Variants in CASZ1 observed in about 807,000 individuals in gnomAD.
CASZ1 encodes castor zinc finger 1.
Under a neutral mutation model 135.2 loss-of-function variants are expected in CASZ1, and 28 were observed. The observed-to-expected ratio is 0.21, with a 90% CI of 0.15 to 0.28. The LOEUF is 0.28. CASZ1 is among the 10% of genes least tolerant of loss of function. The pLI is 1.00. For missense variants in CASZ1, 2,161 were observed against 2,453.3 expected (o/e 0.88, Z 2.52); for synonymous variants, 1,068 against 1,073.4 (o/e 0.99, Z 0.10).
At position 10,672,947 on chromosome 1, in the gene CASZ1, C is replaced by A. The variant is rs567240813; in HGVS notation, c.17-7376G>T. Among the ~76,000 whole-genome samples, 3 of 152,236 alleles carry A rather than the reference C, an allele frequency of 2.0e-5. No individual in the cohort carries two copies. In the South Asian group the frequency reaches 6.2e-4, roughly 32 times the overall value. On this transcript the variant is annotated intron_variant, in intron 4 of 20. Coordinates refer to ENST00000377022, the MANE Select transcript of CASZ1 (RefSeq NM_001079843.3). ...AGTGGTGTTTTTATTAGCGCGTGTG[C>A]CTGTGAGTGTTTGGAGGTGGGCTGG...
chr1:10,738,929 T>TG (rs1329425668), intron 2 of CASZ1, among the ~76,000 whole-genome samples: 5 of 149,366 alleles, frequency 3.3e-5, no homozygotes, highest in Non-Finnish European at 7.4e-5. Context: ...TTTTTTTTTT[T>TG]TTTTTTTTTT....
rs980582311 is a variant in CASZ1 at position 10,646,056 on chromosome 1, C to T, written c.3696+72G>A. The T allele has an allele frequency of 4.2e-6, 6 of 1,444,558 alleles. No homozygotes were observed. The highest frequency in any genetic ancestry group is 3.5e-5 in the Admixed American group (2 of 57,594). The allele number at this position is 1,444,558 out of a possible 1,614,324, so 89.5% of individuals were successfully genotyped here. A position where few individuals can be genotyped will look rare whatever the true frequency, so the allele number is the denominator to read the frequency against. ...GGAGCCTCTGCCAGGAGGTGACTGTCCTGTGCCCTGAGCTAGCCCTGCACC... is the reference window on the plus strand; with the variant it reads ...GGAGCCTCTGCCAGGAGGTGACTGTTCTGTGCCCTGAGCTAGCCCTGCACC... On this transcript the variant is annotated intron_variant, in intron 17 of 20. Coordinates refer to ENST00000377022, the MANE Select transcript of CASZ1 (RefSeq NM_001079843.3). The surrounding 1 kb of genome is among the most constrained non-coding windows in gnomAD (Gnocchi z 6.4).
At chr1:10,680,782 A>C (rs978304929) in intron 4 of CASZ1, among the ~76,000 whole-genome samples, 4 of 152,206 alleles carry the variant, frequency 2.6e-5, no homozygotes, top group African/African-American at 7.2e-5. Context: ...AGTCACCAGC[A>C]ACAGGGACTA....
chr1:10,695,492 G>A (rs941814193), intron 3 of CASZ1, among the ~76,000 whole-genome samples: 16 of 148,090 alleles, frequency 1.1e-4, no homozygotes, highest in Non-Finnish European at 1.6e-4. Flanking sequence ...CCCTCTGGCC[G>A]CTGCCCTAGG....
chr1:10,653,051 G>C (rs1642647202), intron 11 of CASZ1: 2 of 394,554 alleles, frequency 5.1e-6, no homozygotes, highest in South Asian at 4.3e-5. Context: ...GTGGACTTGG[G>C]ATGTGGGAGG....
chr1:10,666,677 C>T lies in CASZ1; in HGVS notation c.17-1106G>A, dbSNP rs2100298078. 6.6e-6 allele frequency among the ~76,000 whole-genome samples: 1 copy of T among 152,314 alleles called. No individual in the cohort carries two copies. The highest frequency in any genetic ancestry group is 2.4e-5 in the African/African-American group (1 of 41,576). On this transcript the variant is annotated intron_variant, in intron 4 of 20. Transcript: ENST00000377022. This position sits in a 1 kb window ranked among gnomAD's most constrained non-coding sequence, Gnocchi z 5.2. ...GAGCCAGCGACCTCCCTCGCGGCCG[C>T]ATAGCCCAAACTCTGTCCCTGATAG...
chr1:10,713,820 C>T (rs566569631), intron 2 of CASZ1, among the ~76,000 whole-genome samples: 15 of 152,362 alleles, frequency 9.8e-5, no homozygotes, highest in African/African-American at 3.1e-4. Flanking sequence ...CATTGCTGGC[C>T]GCCCCTGTGC....
intron 4 of CASZ1, among the ~76,000 whole-genome samples, chr1:10,690,403 C>T (rs114114793): frequency 5.9e-5 from 9 of 152,308 alleles, no homozygotes; most frequent in South Asian, 2.1e-4. Context: ...AAGAAGTCTG[C>T]GGCCTACCTC....
intron 1 of CASZ1, among the ~76,000 whole-genome samples, chr1:10,766,683 G>A (rs987392049): frequency 2.0e-5 from 3 of 152,186 alleles, no homozygotes; most frequent in Non-Finnish European, 4.4e-5. Context: ...AGAAAGAAAG[G>A]TTTCTAGACC....
chr1:10,680,659 G>A (rs1379946851), intron 4 of CASZ1, among the ~76,000 whole-genome samples: 1 of 152,130 alleles, frequency 6.6e-6, no homozygotes, highest in African/African-American at 2.4e-5. Context: ...GAGGTCAGCG[G>A]GTGGAGAAGG....
Position 10,774,217 on chromosome 1 carries a change from C to T in CASZ1, c.-233-13360G>A, listed in dbSNP as rs1326358726. Among the ~76,000 whole-genome samples the T allele has an allele frequency of 2.6e-5, 4 of 152,166 alleles. No homozygotes were observed. Among genetic ancestry groups the T allele is most frequent in the African/African-American group, 7.2e-5 (3 of 41,454 alleles). ...CCGGAGTGCACCCTCCCACCTGACACCGTCGCTAAATCCTTGGATACACAC... is the reference window on the plus strand; with the variant it reads ...CCGGAGTGCACCCTCCCACCTGACATCGTCGCTAAATCCTTGGATACACAC... On this transcript the variant is annotated intron_variant, in intron 1 of 20. Coordinates refer to ENST00000377022, the MANE Select transcript of CASZ1 (RefSeq NM_001079843.3). The surrounding 1 kb of genome is among the most constrained non-coding windows in gnomAD (Gnocchi z 4.4).
Position 10,637,529 on chromosome 1 carries a change from C to T in CASZ1, c.*1413G>A, listed in dbSNP as rs1455876451. On this transcript the variant is annotated 3_prime_UTR_variant, in exon 21 of 21. Coordinates refer to ENST00000377022, the MANE Select transcript of CASZ1 (RefSeq NM_001079843.3). ...TCTGGATGACAGCCTCCCCGCCAGC[C>T]TTCCATTCCCTCCTAGGCCTGTTCT... 1 of 152,372 alleles carries T rather than the reference C, an allele frequency of 6.6e-6. No individual in the cohort carries two copies. Among genetic ancestry groups the T allele is most frequent in the African/African-American group, 2.4e-5 (1 of 41,446 alleles). 9.4% of individuals were successfully genotyped at this position (152,372 alleles called of 1,614,324 possible).
Position 10,649,345 on chromosome 1 carries a change from G to C in CASZ1, c.2973C>G (p.Gly991=). 1.9e-6 allele frequency: 3 copies of C among 1,600,696 alleles called. No individual in the cohort carries two copies. The highest frequency in any genetic ancestry group is 2.3e-5 in the East Asian group (1 of 44,300). ...SPAAEPSPFL[G]KAVKALVQEK... is the part of the protein sequence containing the mutation. Reference sequence around the variant, plus strand: ...CCTGAACCAGCGCCTTCACGGCCTTGCCTAGGAAGGGCGAGGGCTCCGCAG... The same window carrying C: ...CCTGAACCAGCGCCTTCACGGCCTTCCCTAGGAAGGGCGAGGGCTCCGCAG... Residue 991 remains glycine (G), a synonymous_variant, in exon 14 of 21, where the codon GGC becomes GGG. Coordinates refer to ENST00000377022, the MANE Select transcript of CASZ1 (RefSeq NM_001079843.3).
rs1640272010 is a variant in CASZ1, at chr1:10,757,014, C to T, written c.-77+3687G>A. On this transcript the variant is annotated intron_variant, in intron 2 of 20. Transcript: ENST00000377022. The surrounding 1 kb of genome is among the most constrained non-coding windows in gnomAD (Gnocchi z 4.6). The stretch of plus-strand genomic sequence containing the variant: ...CACAAAGCTGGCTTCAGTGCAGAGC[C>T]AGGGCTGAAAGGATAGTGTGTGTCC... Among the ~76,000 whole-genome samples the T allele has an allele frequency of 6.6e-6, 1 of 152,170 alleles. No individual in the cohort carries two copies. Among genetic ancestry groups the T allele is most frequent in the African/African-American group, 2.4e-5 (1 of 41,432 alleles).
Position 10,757,070 on chromosome 1 carries a change from G to T in CASZ1, c.-77+3631C>A, listed in dbSNP as rs1462764619. ...TGCTCCCAGGCTCACTCCTGAAAACGGTGTCGGAGAGAAGCAGTTCCCTCC... is the reference window on the plus strand; with the variant it reads ...TGCTCCCAGGCTCACTCCTGAAAACTGTGTCGGAGAGAAGCAGTTCCCTCC... On this transcript the variant is annotated intron_variant, in intron 2 of 20. Transcript: ENST00000377022. This position sits in a 1 kb window ranked among gnomAD's most constrained non-coding sequence, Gnocchi z 4.6. Among the ~76,000 whole-genome samples the T allele has an allele frequency of 6.6e-6, 1 of 152,120 alleles. No homozygotes were observed. The highest frequency in any genetic ancestry group is 1.5e-5 in the Non-Finnish European group (1 of 68,034).
In CASZ1 at chr1:10,700,056, GAC is replaced by G. The variant is rs1639026328; in HGVS notation, c.-24+5434_-24+5435del. The stretch of plus-strand genomic sequence containing the variant: ...AGAGACAGAGAGAGAGAGAAAGAGA[GAC>G]AGAGAGAGAAAGAGAGATAGAGACA... On this transcript the variant is annotated intron_variant, in intron 3 of 20. Transcript: ENST00000377022. This position sits in a 1 kb window ranked among gnomAD's most constrained non-coding sequence, Gnocchi z 4.2. Among the ~76,000 whole-genome samples, 1 of 143,064 alleles carries G rather than the reference GAC, an allele frequency of 7.0e-6. No individual in the cohort carries two copies. Among genetic ancestry groups the G allele is most frequent in the Non-Finnish European group, 1.5e-5 (1 of 66,572 alleles). 93.9% of individuals were successfully genotyped at this position (143,064 alleles called of 152,430 possible). A position where few individuals can be genotyped will look rare whatever the true frequency, so the allele number is the denominator to read the frequency against.
chr1:10,654,620 A>G, intron 9 of CASZ1, 29 bp from the exon 10 acceptor site: 1 of 1,603,968 alleles, frequency 6.2e-7, no homozygotes, highest in African/African-American at 1.3e-5. Context: ...TGGTCAGGCG[A>G]ACGGAGGCCA....
In CASZ1 at chr1:10,661,689, G is replaced by C. The variant is rs141412778; in HGVS notation, c.506-1153C>G. ...ACACGATCACATACAACACACACAT[G>C]CATTCTCAAACACACCTACACAGTC... is the stretch of plus-strand genomic sequence containing the variant. On this transcript the variant is annotated intron_variant, in intron 5 of 20. Transcript: ENST00000377022. Among the ~76,000 whole-genome samples the C allele has an allele frequency of 9.6e-3, 1,430 of 149,478 alleles. 13 individuals carry two copies. Among genetic ancestry groups the C allele is most frequent in the Middle Eastern group, 0.029 (8 of 278 alleles).
rs539903890 is a variant in CASZ1 at position 10,754,565 on chromosome 1, C to T, written c.-77+6136G>A. Among the ~76,000 whole-genome samples the T allele has an allele frequency of 8.3e-4, 126 of 152,326 alleles. 7 individuals carry two copies. The South Asian group carries it at 0.025, about 31-fold the overall frequency. On this transcript the variant is annotated intron_variant, in intron 2 of 20. Coordinates refer to ENST00000377022, the MANE Select transcript of CASZ1 (RefSeq NM_001079843.3). ...CCCCAGGCTTCCTCAGTCCTGCCCC[C>T]TAAACCAGGTGCTCCTCACACCCTC...
Sources: allele counts gnomAD v4.1 joint callset (sites outside exome capture counted in the v4.1 genomes callset), GRCh38; gene constraint gnomAD v4.1.1; non-coding constraint Gnocchi (gnomAD v3.1); transcripts MANE v1.5; gene names NCBI Gene and HGNC (gene_info 2026-07-23, HGNC 2026-07-21).